Variants in PRDM5 observed in about 807,000 individuals in gnomAD.
PRDM5 encodes the protein PR domain zinc finger protein 5.
In PRDM5, 56 loss-of-function variants were observed where a neutral mutation model predicts 81.2. The observed-to-expected ratio is 0.69, with a 90% CI of 0.56 to 0.86. The LOEUF (loss-of-function observed/expected upper bound fraction) is 0.86. Among genes scored for constraint, PRDM5 ranks in the 40% least tolerant of loss-of-function variants. The pLI, the probability that PRDM5 is intolerant of heterozygous loss-of-function variation, is 0.00. For synonymous variants in PRDM5, 267 were observed against 256.4 expected (o/e 1.04, Z -0.39); for missense variants, 697 against 770.1 (o/e 0.91, Z 1.12).
At position 120,798,354 on chromosome 4, in the gene PRDM5, T is replaced by C; in HGVS notation, c.1101A>G (p.Lys367=). 1.9e-6 allele frequency: 3 copies of C among 1,613,712 alleles called. No homozygotes were observed. Among genetic ancestry groups the C allele is most frequent in the Non-Finnish European group, 2.5e-6 (3 of 1,179,706 alleles). ...AAGGTTTGTCTTCGCTGTGTATTAC[T>C]TTGTGAGCACCCACTTGATCAAGCC... is the stretch of plus-strand genomic sequence containing the variant. ...FKRLDQVGAH[K]VIHSEDKPYK... The change falls in exon 10 of 16, where the codon AAA becomes AAG. Residue 367 remains lysine (K), a synonymous_variant. Transcript: ENST00000264808.
At chr4:120,908,998 G>A (rs1766172085) in intron 1 of PRDM5, among the ~76,000 whole-genome samples, 1 of 152,266 alleles carries the variant, frequency 6.6e-6, no homozygotes, top group South Asian at 2.1e-4. Flanking sequence ...ATGGCAGGTA[G>A]GAAAAGCTCC....
rs4833674 is a variant in PRDM5 at position 120,780,856 on chromosome 4, G to C, written c.1443+287C>G. 0.21 allele frequency among the ~76,000 whole-genome samples: 31,583 copies of C among 151,976 alleles called. 3,761 individuals are homozygous for C. Among genetic ancestry groups the C allele is most frequent in the Non-Finnish European group, 0.28 (18,946 of 67,954 alleles). On this transcript the variant is annotated intron_variant, in intron 12 of 15. Transcript: ENST00000264808. Reference sequence around the variant, plus strand: ...ATTAATTCAAAAATATATAAAAATTGATAAGCTCCTGCTCATTGAGTACTT... The same window carrying C: ...ATTAATTCAAAAATATATAAAAATTCATAAGCTCCTGCTCATTGAGTACTT...
At chr4:120,709,757 G>A (rs1385633865) in intron 15 of PRDM5, among the ~76,000 whole-genome samples, 1 of 152,076 alleles carries the variant, frequency 6.6e-6, no homozygotes, top group Non-Finnish European at 1.5e-5. Context: ...ACTGTCAACA[G>A]TAGTATTTTT....
chr4:120,833,891 C>T (rs185441887), intron 3 of PRDM5, among the ~76,000 whole-genome samples: 7 of 152,226 alleles, frequency 4.6e-5, no homozygotes, highest in Middle Eastern at 3.4e-3. Context: ...ATGTTTGAAA[C>T]GCACTCTGAA....
In PRDM5 at chr4:120,777,178, A is replaced by G; in HGVS notation, c.1537+10T>C. The G allele has an allele frequency of 6.2e-7, 1 of 1,613,188 alleles. No homozygotes were observed. The highest frequency in any genetic ancestry group is 8.5e-7 in the Non-Finnish European group (1 of 1,179,408). ...TGGTTTTTTCACTAGTCTAATTACA[A>G]TCTCCATACCTGTGTGGCTCCGGAT... On this transcript the variant is annotated intron_variant, in intron 13 of 15. Transcript: ENST00000264808.
At position 120,750,687 on chromosome 4, in the gene PRDM5, TACACACAC is replaced by T. The variant is rs56024428; in HGVS notation, c.1623+3858_1623+3865del. ...CTAGACTTAGAGACTTAGTTTCTTT[TACACACAC>T]ACACACACACACACACACACACACG... On this transcript the variant is annotated intron_variant, in intron 14 of 15. Coordinates refer to ENST00000264808, the MANE Select transcript of PRDM5 (RefSeq NM_018699.4). 8.2e-4 allele frequency among the ~76,000 whole-genome samples: 121 copies of T among 147,586 alleles called. 1 individual carries two copies. Among genetic ancestry groups the T allele is most frequent in the East Asian group, 3.0e-3 (15 of 4,986 alleles).
chr4:120,779,479 G>C (rs1748687054), intron 12 of PRDM5, among the ~76,000 whole-genome samples: 1 of 152,004 alleles, frequency 6.6e-6, no homozygotes, highest in South Asian at 2.1e-4. Context: ...TTAAAGCAAA[G>C]AAAGTTGAAA....
chr4:120,785,650 T>G (rs11735169), intron 10 of PRDM5, among the ~76,000 whole-genome samples: 1 of 152,064 alleles, frequency 6.6e-6, no homozygotes, highest in Admixed American at 6.6e-5. Context: ...ATTTAATTTG[T>G]GTCAAATGCT....
At chr4:120,922,342 G>A (rs970429238) in intron 1 of PRDM5, among the ~76,000 whole-genome samples, 174 bp downstream of exon 1, 56 of 151,788 alleles carry the variant, frequency 3.7e-4, no homozygotes, top group Non-Finnish European at 1.5e-4. Context: ...GCGAGTAAAG[G>A]CCACCCCCGC....
At chr4:120,888,463 T>C (rs941800885) in intron 2 of PRDM5, among the ~76,000 whole-genome samples, 5 of 152,216 alleles carry the variant, frequency 3.3e-5, no homozygotes, top group Admixed American at 3.3e-4. Flanking sequence ...TATCATAAAA[T>C]CTTTATAATA....
chr4:120,744,731 G>C (rs1330585001), intron 14 of PRDM5, among the ~76,000 whole-genome samples: 1 of 151,110 alleles, frequency 6.6e-6, no homozygotes, highest in Non-Finnish European at 1.5e-5. Context: ...ACTAAACCAG[G>C]AAGAAGTTGA....
chr4:120,830,589 T>C (rs553756481), intron 3 of PRDM5, among the ~76,000 whole-genome samples: 4 of 152,188 alleles, frequency 2.6e-5, no homozygotes, highest in African/African-American at 9.6e-5. Flanking sequence ...AATTATTTTA[T>C]TTGAAAATAA....
At position 120,714,820 on chromosome 4, in the gene PRDM5, TATCA is replaced by T. The variant is rs538752815; in HGVS notation, c.1624-4411_1624-4408del. Among the ~76,000 whole-genome samples, 289 of 152,300 alleles carry T rather than the reference TATCA, an allele frequency of 1.9e-3. 1 individual carries two copies. The highest frequency in any genetic ancestry group is 2.1e-3 in the African/African-American group (89 of 41,582). ...GCTGCTGCCAGGCACTCTGGGATGC[TATCA>T]ATCAAAGACTGTTTTAAGTTGATTT... On this transcript the variant is annotated intron_variant, in intron 14 of 15. Transcript: ENST00000264808.
chr4:120,778,326 G>C (rs1217513364), intron 12 of PRDM5, among the ~76,000 whole-genome samples: 4 of 151,870 alleles, frequency 2.6e-5, no homozygotes, highest in Non-Finnish European at 5.9e-5. Context: ...AACTGACATA[G>C]ACAAATGAAA....
In PRDM5 at chr4:120,694,576, C is replaced by G. The variant is rs13137989; in HGVS notation, c.*535G>C. 0.17 allele frequency: 26,914 copies of G among 155,236 alleles called. 2,669 individuals carry two copies. The highest frequency in any genetic ancestry group is 0.24 in the Non-Finnish European group (16,681 of 69,944). 9.6% of individuals were successfully genotyped at this position (155,236 alleles called of 1,614,324 possible). On this transcript the variant is annotated 3_prime_UTR_variant, in exon 16 of 16. Coordinates refer to ENST00000264808, the MANE Select transcript of PRDM5 (RefSeq NM_018699.4). ...CTTGGTTTGTCTTATAAAATAGCAACTATTTATTTTCCTATCAAACTTGAG... is the reference window on the plus strand; with the variant it reads ...CTTGGTTTGTCTTATAAAATAGCAAGTATTTATTTTCCTATCAAACTTGAG...
chr4:120,747,367 T>C (rs1743273764), intron 14 of PRDM5, among the ~76,000 whole-genome samples: 1 of 151,458 alleles, frequency 6.6e-6, no homozygotes, highest in African/African-American at 2.4e-5. Context: ...CACACCAGCA[T>C]GGCACATGTA....
intron 15 of PRDM5, among the ~76,000 whole-genome samples, chr4:120,702,787 T>C (rs1184757289): frequency 1.3e-5 from 2 of 152,214 alleles, no homozygotes; most frequent in Admixed American, 1.3e-4. Flanking sequence ...AGAAGATCGA[T>C]TTAACATTTA....
chr4:120,694,338 AG>A lies in PRDM5; in HGVS notation c.*772del, dbSNP rs1734297269. ...TAAAGCTAAATGGTCTAAATTCAAG[AG>A]GGGTAGCCTGCTGAATATTTAAATG... On this transcript the variant is annotated 3_prime_UTR_variant, in exon 16 of 16. Coordinates refer to ENST00000264808, the MANE Select transcript of PRDM5 (RefSeq NM_018699.4). The A allele has an allele frequency of 6.6e-6, 1 of 152,096 alleles. No individual in the cohort carries two copies. Among genetic ancestry groups the A allele is most frequent in the South Asian group, 2.1e-4 (1 of 4,834 alleles). 9.4% of individuals were successfully genotyped at this position (152,096 alleles called of 1,614,324 possible). A position where few individuals can be genotyped will look rare whatever the true frequency, so the allele number is the denominator to read the frequency against.
At chr4:120,757,954 A>G (rs1202148684) in intron 13 of PRDM5, among the ~76,000 whole-genome samples, 1 of 150,520 alleles carries the variant, frequency 6.6e-6, no homozygotes, top group Non-Finnish European at 1.5e-5. Context: ...CTGAGATGAC[A>G]TCCATCTTCT....
Sources: allele counts gnomAD v4.1 joint callset (sites outside exome capture counted in the v4.1 genomes callset), GRCh38; gene constraint gnomAD v4.1.1; transcripts MANE v1.5; gene names NCBI Gene and HGNC (gene_info 2026-07-23, HGNC 2026-07-21).